Variants in SORBS2 observed in about 807,000 individuals in gnomAD.
SORBS2 encodes the protein sorbin and SH3 domain-containing protein 2.
Under a neutral mutation model 97.7 loss-of-function variants are expected in SORBS2, and 46 were observed. That is an observed-to-expected ratio of 0.47 (90% CI 0.37 to 0.60). The LOEUF is 0.60. Among genes scored for constraint, SORBS2 ranks in the 20% least tolerant of loss-of-function variants. The probability of loss-of-function intolerance (pLI) is 0.00; values close to 1 mark genes in which losing one functional copy is unlikely to be tolerated. For missense variants in SORBS2, 1,316 were observed against 1,282.3 expected (o/e 1.03, Z -0.40); for synonymous variants, 476 against 473.4 (o/e 1.01, Z -0.07).
chr4:185,713,093 C>T (rs545786435), intron 2 of SORBS2, among the ~76,000 whole-genome samples: 2 of 152,238 alleles, frequency 1.3e-5, no homozygotes, highest in Admixed American at 6.5e-5. Context: ...TCCCATCTCC[C>T]CTCCTTTGCT....
intron 1 of SORBS2, among the ~76,000 whole-genome samples, chr4:185,900,391 T>C (rs1010141269): frequency 6.6e-6 from 1 of 152,170 alleles, no homozygotes; most frequent in Non-Finnish European, 1.5e-5. Context: ...CCAGTTCTCT[T>C]ATCAAAGAGA....
At chr4:185,673,602 A>G (rs2097753206) in intron 4 of SORBS2, among the ~76,000 whole-genome samples, 2 of 152,210 alleles carry the variant, frequency 1.3e-5, no homozygotes, top group Non-Finnish European at 2.9e-5. Flanking sequence ...AGATCCTTAT[A>G]TGCCTTACTC....
intron 1 of SORBS2, among the ~76,000 whole-genome samples, chr4:185,931,782 A>G (rs532721805): frequency 1.4e-5 from 2 of 145,738 alleles, no homozygotes; most frequent in African/African-American, 5.1e-5. Context: ...AAAGAAAGAA[A>G]GAAAAAGACA....
chr4:185,624,381 G>A (rs775656580), exon 7 of SORBS2: 13 of 1,614,042 alleles, frequency 8.1e-6, no homozygotes, highest in Admixed American at 1.7e-5. Flanking sequence ...GGTGAGTCCC[G>A]AGGGACATCC....
At chr4:185,892,665 G>C (rs1306435707) in intron 1 of SORBS2, among the ~76,000 whole-genome samples, 1 of 152,188 alleles carries the variant, frequency 6.6e-6, no homozygotes, top group Non-Finnish European at 1.5e-5. Context: ...AAGTAAGCCA[G>C]ACACAGAAGG....
intron 2 of SORBS2, among the ~76,000 whole-genome samples, chr4:185,751,923 C>A (rs1039730363): frequency 2.6e-5 from 4 of 151,986 alleles, no homozygotes; most frequent in Admixed American, 2.6e-4. Flanking sequence ...GATTTTGCTC[C>A]CCAGGGAACA....
intron 1 of SORBS2, among the ~76,000 whole-genome samples, chr4:185,827,081 CCAT>C (rs1208818613): frequency 9.9e-5 from 9 of 90,458 alleles, no homozygotes; most frequent in African/African-American, 2.9e-4. Flanking sequence ...ATCATCATCA[CCAT>C]CATCACCATC....
intron 2 of SORBS2, among the ~76,000 whole-genome samples, chr4:185,698,956 T>C (rs893284215): frequency 3.9e-5 from 6 of 152,226 alleles, no homozygotes. Flanking sequence ...GTGAAAGTAT[T>C]ACAGTGAAAT....
Position 185,607,729 on chromosome 4 carries a change from G to T in SORBS2, c.2796+4051C>A, listed in dbSNP as rs1434468602. On this transcript the variant is annotated intron_variant, in intron 12 of 14. Transcript: ENST00000418609. The surrounding 1 kb of genome is among the most constrained non-coding windows in gnomAD (Gnocchi z 5.2). ...AATTTTTTAGAGATGGAGTCTCGCT[G>T]TGGCACCCAGGCTGGAGTGCAGTGG... is the stretch of plus-strand genomic sequence containing the variant. Among the ~76,000 whole-genome samples the T allele has an allele frequency of 1.3e-5, 2 of 152,044 alleles. No individual in the cohort carries two copies. Among genetic ancestry groups the T allele is most frequent in the Non-Finnish European group, 2.9e-5 (2 of 67,998 alleles).
intron 1 of SORBS2, among the ~76,000 whole-genome samples, chr4:185,780,740 A>T (rs2099024467): frequency 6.6e-6 from 1 of 152,212 alleles, no homozygotes; most frequent in Admixed American, 6.5e-5. Context: ...GATGTTAAGT[A>T]AATACTTTTT....
rs762054155 is a variant in SORBS2, at chr4:185,614,799, AAAAC to A, written c.2595+28_2595+31del. ...AAACCCACTGAAGAACAAACAAACA[AAAAC>A]AAACAAACAAAAAACCAGCTGGGCT... On this transcript the variant is annotated intron_variant, in intron 11 of 14. Coordinates refer to ENST00000418609, the Ensembl canonical transcript of SORBS2. The A allele has an allele frequency of 5.6e-6, 9 of 1,611,810 alleles. No homozygotes were observed. The East Asian group carries it at 6.7e-5, about 12-fold the overall frequency.
intron 1 of SORBS2, among the ~76,000 whole-genome samples, chr4:185,813,334 T>C (rs1042597559): frequency 1.3e-5 from 2 of 152,190 alleles, no homozygotes; most frequent in African/African-American, 4.8e-5. Flanking sequence ...AGGAATCCTG[T>C]GGATGTAGAT....
chr4:185,833,645 C>G (rs1475989377), intron 1 of SORBS2, among the ~76,000 whole-genome samples: 1 of 152,126 alleles, frequency 6.6e-6, no homozygotes, highest in Non-Finnish European at 1.5e-5. Context: ...TCATATTTCT[C>G]CATATGAAAA....
intron 1 of SORBS2, among the ~76,000 whole-genome samples, chr4:185,879,106 TG>T (rs1449860613): frequency 2.0e-5 from 3 of 151,416 alleles, no homozygotes; most frequent in African/African-American, 4.9e-5. Context: ...TGTGCCATGT[TG>T]GTGTGCTGCA....
intron 1 of SORBS2, among the ~76,000 whole-genome samples, chr4:185,809,366 T>A (rs73873396): frequency 0.03 from 4,170 of 138,712 alleles, 89 homozygotes; most frequent in African/African-American, 0.058. Flanking sequence ...TGAGGGGGGA[T>A]GTCTAGCTGG....
intron 1 of SORBS2, among the ~76,000 whole-genome samples, chr4:185,861,287 G>A (rs1173131443): frequency 7.1e-6 from 1 of 140,056 alleles, no homozygotes; most frequent in Admixed American, 7.6e-5. Flanking sequence ...GAAGGTGAAG[G>A]TTTCTTTGGA....
intron 2 of SORBS2, among the ~76,000 whole-genome samples, chr4:185,708,140 G>A: frequency 6.6e-6 from 1 of 152,164 alleles, no homozygotes; most frequent in East Asian, 1.9e-4. Context: ...TTAAGGCAGA[G>A]CCGACTTGGG....
chr4:185,833,462 A>C (rs1029184867), intron 1 of SORBS2, among the ~76,000 whole-genome samples: 2 of 152,232 alleles, frequency 1.3e-5, no homozygotes, highest in Non-Finnish European at 1.5e-5. Context: ...AAATCCTTTC[A>C]AATGAAACCA....
At chr4:185,704,788 T>C (rs1375740582) in intron 2 of SORBS2, among the ~76,000 whole-genome samples, 1 of 152,202 alleles carries the variant, frequency 6.6e-6, no homozygotes, top group Non-Finnish European at 1.5e-5. Context: ...CACAGTTCAT[T>C]TGCCCAAGAG....
Sources: gnomAD v4.1 joint callset for allele counts (sites outside exome capture counted in the v4.1 genomes callset) on GRCh38, gnomAD v4.1.1 for gene constraint, Gnocchi (gnomAD v3.1) non-coding constraint, MANE v1.5 for transcripts, NCBI Gene and HGNC (gene_info 2026-07-23, HGNC 2026-07-21) for gene names.